Variants in ZBTB7C observed in about 807,000 individuals in gnomAD.
ZBTB7C encodes the protein zinc finger and BTB domain-containing protein 7C.
A neutral mutation model predicts 25.7 loss-of-function variants in ZBTB7C; 8 were observed. The observed-to-expected ratio is 0.31, with a 90% CI of 0.18 to 0.56. The LOEUF (loss-of-function observed/expected upper bound fraction) is 0.56. Among genes scored for constraint, ZBTB7C ranks in the 20% least tolerant of loss-of-function variants. The probability of loss-of-function intolerance (pLI) is 0.91; values close to 1 mark genes in which losing one functional copy is unlikely to be tolerated. For missense variants in ZBTB7C, 824 were observed against 855.2 expected (o/e 0.96, Z 0.46); for synonymous variants, 394 against 369.0 (o/e 1.07, Z -0.78).
intron 3 of ZBTB7C, among the ~76,000 whole-genome samples, chr18:48,138,174 C>T (rs187813562): frequency 2.6e-5 from 4 of 152,376 alleles, no homozygotes; most frequent in Admixed American, 2.6e-4. Flanking sequence ...CACTCTTCTC[C>T]GGCAGGCCAT....
chr18:48,349,387 A>C (rs1213695659), intron 1 of ZBTB7C, among the ~76,000 whole-genome samples: 1 of 152,190 alleles, frequency 6.6e-6, no homozygotes, highest in African/African-American at 2.4e-5. Context: ...CCCACCTAGC[A>C]CCACCAGATG....
At chr18:48,251,845 A>G (rs754121383) in intron 2 of ZBTB7C, among the ~76,000 whole-genome samples, 1 of 152,192 alleles carries the variant, frequency 6.6e-6, no homozygotes, top group Non-Finnish European at 1.5e-5. Flanking sequence ...TGGAACTGGG[A>G]GACCCATTCA....
intron 3 of ZBTB7C, chr18:48,169,874 G>A (rs1427555676): frequency 6.6e-6 from 1 of 152,224 alleles, no homozygotes; most frequent in Non-Finnish European, 1.5e-5. Flanking sequence ...TAGTATATGT[G>A]CTGCTGAAGC....
At chr18:48,393,386 T>A (rs557342881) in intron 1 of ZBTB7C, among the ~76,000 whole-genome samples, 2 of 151,928 alleles carry the variant, frequency 1.3e-5, no homozygotes, top group East Asian at 1.9e-4. Flanking sequence ...CCTTTCCCTT[T>A]TCTTCCCCTT....
At chr18:48,114,045 T>TG (rs1468242694) in intron 3 of ZBTB7C, among the ~76,000 whole-genome samples, 1 of 152,152 alleles carries the variant, frequency 6.6e-6, no homozygotes, top group African/African-American at 2.4e-5. Flanking sequence ...GCAGTACTTC[T>TG]GCCCTCCACC....
intron 2 of ZBTB7C, among the ~76,000 whole-genome samples, chr18:48,264,979 C>T (rs1416281584): frequency 1.3e-5 from 2 of 152,218 alleles, no homozygotes; most frequent in African/African-American, 4.8e-5. Context: ...GAAGTGAGAA[C>T]CACCTGTCTG....
At chr18:48,249,281 T>G (rs2043780877) in intron 2 of ZBTB7C, among the ~76,000 whole-genome samples, 1 of 152,226 alleles carries the variant, frequency 6.6e-6, no homozygotes, top group African/African-American at 2.4e-5. Context: ...CTATGGAAAT[T>G]CAATAGCAGC....
At position 48,043,493 on chromosome 18, in the gene ZBTB7C, G is replaced by T. The variant is rs150152620; in HGVS notation, c.-16-2370C>A. On this transcript the variant is annotated intron_variant, in intron 3 of 4. Coordinates refer to ENST00000590800, the MANE Select transcript of ZBTB7C (RefSeq NM_001318841.2). ...GAAAAAAGCCAATCCCAATGGGTTAGATATTGCATGATTCCATTTATATAA... is the reference window on the plus strand; with the variant it reads ...GAAAAAAGCCAATCCCAATGGGTTATATATTGCATGATTCCATTTATATAA... Among the ~76,000 whole-genome samples, 12 of 152,320 alleles carry T rather than the reference G, an allele frequency of 7.9e-5. No individual in the cohort carries two copies. In the East Asian group the frequency reaches 2.1e-3, roughly 27 times the overall value.
chr18:48,281,513 G>A (rs955297448), intron 2 of ZBTB7C, among the ~76,000 whole-genome samples: 1 of 152,282 alleles, frequency 6.6e-6, no homozygotes, highest in South Asian at 2.1e-4. Flanking sequence ...TACTATCAGA[G>A]TGAACAGGCA....
At chr18:48,032,351 G>A (rs2035790163) in intron 4 of ZBTB7C, among the ~76,000 whole-genome samples, 1 of 146,060 alleles carries the variant, frequency 6.8e-6, no homozygotes, top group African/African-American at 2.5e-5. Flanking sequence ...TCCTGACCTT[G>A]TGATCTGCCC....
chr18:48,055,386 G>A (rs1379062423), intron 3 of ZBTB7C, among the ~76,000 whole-genome samples: 1 of 146,552 alleles, frequency 6.8e-6, no homozygotes, highest in Non-Finnish European at 1.5e-5. Context: ...CTCCAGCATG[G>A]GTGACAGAGT....
intron 1 of ZBTB7C, among the ~76,000 whole-genome samples, chr18:48,394,333 C>G (rs560286834): frequency 6.6e-6 from 1 of 152,240 alleles, no homozygotes; most frequent in African/African-American, 2.4e-5. Context: ...GCCGGGTTTT[C>G]TAGTGATACT....
intron 2 of ZBTB7C, among the ~76,000 whole-genome samples, chr18:48,279,234 C>T (rs1173920457): frequency 6.6e-6 from 1 of 152,134 alleles, no homozygotes; most frequent in African/African-American, 2.4e-5. Context: ...AACGGAATGC[C>T]CTGACATCCA....
At chr18:48,055,613 G>A (rs2036884928) in intron 3 of ZBTB7C, among the ~76,000 whole-genome samples, 2 of 151,992 alleles carry the variant, frequency 1.3e-5, no homozygotes, top group Non-Finnish European at 2.9e-5. Flanking sequence ...TTTGTGCTTT[G>A]TGAGACTCTC....
chr18:48,345,686 C>A (rs912247738), intron 1 of ZBTB7C, among the ~76,000 whole-genome samples: 1 of 151,770 alleles, frequency 6.6e-6, no homozygotes, highest in Non-Finnish European at 1.5e-5. Flanking sequence ...GGCCTTGGCT[C>A]CGACCTCTGG....
intron 2 of ZBTB7C, among the ~76,000 whole-genome samples, chr18:48,233,949 A>C (rs1372928402): frequency 2.0e-5 from 3 of 152,118 alleles, no homozygotes; most frequent in Non-Finnish European, 4.4e-5. Context: ...AGTTCCATCC[A>C]CATCAGTCAG....
At chr18:48,278,040 G>A (rs1213003620) in intron 2 of ZBTB7C, among the ~76,000 whole-genome samples, 1 of 152,258 alleles carries the variant, frequency 6.6e-6, no homozygotes, top group East Asian at 1.9e-4. Context: ...TCCAAAGACA[G>A]CCACAGCAAT....
chr18:48,411,854 T>C (rs1386099104), upstream of ZBTB7C, among the ~76,000 whole-genome samples: 1 of 152,254 alleles, frequency 6.6e-6, no homozygotes, highest in Non-Finnish European at 1.5e-5. Flanking sequence ...AGATGTTCTA[T>C]AGCTTTAGCT....
At chr18:48,221,289 T>G (rs2042947824) in intron 2 of ZBTB7C, among the ~76,000 whole-genome samples, 2 of 151,024 alleles carry the variant, frequency 1.3e-5, no homozygotes, top group South Asian at 4.2e-4. Context: ...CCTTGTCTCC[T>G]CTATACTGTC....
Sources: gnomAD v4.1 joint callset for allele counts (sites outside exome capture counted in the v4.1 genomes callset) on GRCh38, gnomAD v4.1.1 for gene constraint, MANE v1.5 for transcripts, NCBI Gene and HGNC (gene_info 2026-07-23, HGNC 2026-07-21) for gene names.